Variants in TOM1L1 observed in about 807,000 individuals in gnomAD.
TOM1L1 encodes target of myb1 like 1 membrane trafficking protein.
TOM1L1 carries 64 observed loss-of-function variants against 63.4 expected under a neutral mutation model. The ratio of observed to expected loss-of-function variants is 1.01; its 90% CI spans 0.83 to 1.24. The LOEUF (loss-of-function observed/expected upper bound fraction) is 1.24, where lower values mean the gene tolerates loss of function less well. TOM1L1 is among the 50% of genes most tolerant of loss of function. TOM1L1 has a pLI of 0.00. For missense variants in TOM1L1, 536 were observed against 567.0 expected (o/e 0.95, Z 0.55); for synonymous variants, 166 against 194.4 (o/e 0.85, Z 1.22).
At chr17:54,902,162 A>C (rs2048337150) in intron 1 of TOM1L1, among the ~76,000 whole-genome samples, 1 of 152,188 alleles carries the variant, frequency 6.6e-6, no homozygotes, top group Non-Finnish European at 1.5e-5. Flanking sequence ...GAAAATGCAA[A>C]ACACACAAAA....
chr17:54,941,195 T>C (rs1276588732), intron 11 of TOM1L1, among the ~76,000 whole-genome samples: 6 of 152,250 alleles, frequency 3.9e-5, no homozygotes, highest in South Asian at 2.1e-4. Context: ...TCACTTAACA[T>C]ACTTTGGCAG....
At chr17:54,933,831 C>G (rs1184748766) in intron 8 of TOM1L1, among the ~76,000 whole-genome samples, 1 of 151,994 alleles carries the variant, frequency 6.6e-6, no homozygotes, top group African/African-American at 2.4e-5. Flanking sequence ...ATCCACAGCT[C>G]GGTTTTATAC....
At chr17:54,949,178 C>T (rs2049169136) in intron 12 of TOM1L1, among the ~76,000 whole-genome samples, 1 of 150,210 alleles carries the variant, frequency 6.7e-6, no homozygotes, top group South Asian at 2.1e-4. Context: ...GCTGGGACTA[C>T]AGGTGTGAGC....
At chr17:54,902,411 T>G (rs2048341505) in intron 1 of TOM1L1, among the ~76,000 whole-genome samples, 1 of 152,104 alleles carries the variant, frequency 6.6e-6, no homozygotes, top group African/African-American at 2.4e-5. Flanking sequence ...TTCCTCAGCC[T>G]CCCGAGTAGC....
intron 14 of TOM1L1, chr17:54,959,588 C>T (rs1319942819): frequency 6.6e-6 from 1 of 150,930 alleles, no homozygotes; most frequent in East Asian, 1.9e-4. Flanking sequence ...GGACTGTAAT[C>T]ACATAGTTTA....
intron 11 of TOM1L1, among the ~76,000 whole-genome samples, chr17:54,945,589 T>A (rs2088111029): frequency 6.6e-6 from 1 of 152,218 alleles, no homozygotes; most frequent in Admixed American, 6.5e-5. Context: ...TCTGTTTAGA[T>A]TGGACACTTT....
intron 13 of TOM1L1, 80 bp from the exon 14 acceptor site, chr17:54,949,965 C>A (rs2049186291): frequency 2.6e-6 from 3 of 1,161,900 alleles, no homozygotes; most frequent in Non-Finnish European, 1.3e-6. Flanking sequence ...TATTTGAAGT[C>A]TAAATTATAA....
chr17:54,961,169 G>T, intron 15 of TOM1L1, 66 bp from the exon 16 acceptor site: 1 of 1,106,310 alleles, frequency 9.0e-7, no homozygotes, highest in Non-Finnish European at 1.3e-6. Context: ...AGACAAGAGA[G>T]TTATCAAGGA....
At chr17:54,906,554 A>G (rs976902895) in intron 3 of TOM1L1, among the ~76,000 whole-genome samples, 4 of 151,998 alleles carry the variant, frequency 2.6e-5, no homozygotes, top group Admixed American at 1.3e-4. Context: ...TTTGAAAAAT[A>G]CCTCCCTGTA....
At chr17:54,914,385 AAG>A (rs1054659029) in intron 5 of TOM1L1, among the ~76,000 whole-genome samples, 2 of 148,988 alleles carry the variant, frequency 1.3e-5, no homozygotes, top group African/African-American at 2.5e-5. Flanking sequence ...AAAAAAAAAA[AAG>A]GGCATTTTAT....
chr17:54,905,535 T>G lies in TOM1L1; in HGVS notation c.190T>G (p.Tyr64Asp), dbSNP rs148960305. 87 of 1,611,724 alleles carry G rather than the reference T, an allele frequency of 5.4e-5. No individual in the cohort carries two copies. The highest frequency in any genetic ancestry group is 7.2e-5 in the Non-Finnish European group (85 of 1,178,624). The change falls in exon 3 of 16, where the codon TAC becomes GAC. Residue 64 changes from tyrosine to aspartate, a missense_variant. Tyr to Asp is a radical substitution (Grantham distance 160). Coordinates refer to ENST00000575882, the MANE Select transcript of TOM1L1 (RefSeq NM_005486.3). ...KALKKRISKN[Y>D]NHKEIQLTLS... ...TTTGAAGAAAAGGATTTCCAAAAAC[T>G]ACAATCATAAAGAAATCCAACTTAC...
At position 54,949,694 on chromosome 17, in the gene TOM1L1, T is replaced by C. The variant is rs533771912; in HGVS notation, c.1288+71T>C. 1.3e-4 allele frequency: 161 copies of C among 1,271,282 alleles called. 1 individual carries two copies. Among genetic ancestry groups the C allele is most frequent in the African/African-American group, 3.3e-4 (22 of 67,650 alleles). 78.8% of individuals were successfully genotyped at this position (1,271,282 alleles called of 1,614,324 possible). A position where few individuals can be genotyped will look rare whatever the true frequency, so the allele number is the denominator to read the frequency against. ...AATATATGAGTCTGCCAGAGATTCA[T>C]TGGTAACTGAAAATAGGAGAAATTA... On this transcript the variant is annotated intron_variant, in intron 13 of 15. Coordinates refer to ENST00000575882, the MANE Select transcript of TOM1L1 (RefSeq NM_005486.3).
chr17:54,947,396 A>G, intron 12 of TOM1L1, 84 bp downstream of exon 12: 1 of 1,458,246 alleles, frequency 6.9e-7, no homozygotes, highest in Non-Finnish European at 9.6e-7. Context: ...ATTAATTCCC[A>G]TGTTCTGCTC....
At chr17:54,950,711 C>A (rs556000724) in intron 14 of TOM1L1, among the ~76,000 whole-genome samples, 2 of 152,248 alleles carry the variant, frequency 1.3e-5, no homozygotes, top group South Asian at 2.1e-4. Flanking sequence ...TATTAAAGCA[C>A]GTTTATTGGA....
intron 12 of TOM1L1, among the ~76,000 whole-genome samples, chr17:54,947,593 C>T (rs956001814): frequency 1.3e-5 from 2 of 152,202 alleles, no homozygotes; most frequent in Admixed American, 6.5e-5. Flanking sequence ...AAATTTAGAA[C>T]TGCAGTTCCA....
At chr17:54,934,072 C>G (rs950078461) in intron 8 of TOM1L1, among the ~76,000 whole-genome samples, 2 of 152,194 alleles carry the variant, frequency 1.3e-5, no homozygotes, top group Non-Finnish European at 2.9e-5. Context: ...CTCAGTGAAT[C>G]TGCACTTCTA....
In TOM1L1 at chr17:54,905,586, T is replaced by A; in HGVS notation, c.222+19T>A. The A allele has an allele frequency of 1.4e-6, 2 of 1,395,478 alleles. No individual in the cohort carries two copies. Among genetic ancestry groups the A allele is most frequent in the South Asian group, 1.2e-5 (1 of 82,628 alleles). The allele number at this position is 1,395,478 out of a possible 1,614,324, so 86.4% of individuals were successfully genotyped here. A position where few individuals can be genotyped will look rare whatever the true frequency, so the allele number is the denominator to read the frequency against. The stretch of plus-strand genomic sequence containing the variant: ...CTTGTCAGTAAGTACTTTAATTTTA[T>A]AATTAAGACTCGAGGATTTCTCAAG... On this transcript the variant is annotated intron_variant, in intron 3 of 15. Transcript: ENST00000575882.
chr17:54,930,363 C>A, intron 8 of TOM1L1, 157 bp downstream of exon 8: 3 of 920,834 alleles, frequency 3.3e-6, no homozygotes, highest in Non-Finnish European at 3.3e-6. Context: ...ACAGTTTTCC[C>A]TTGTACAGCT....
At chr17:54,931,421 G>A (rs914350961) in intron 8 of TOM1L1, among the ~76,000 whole-genome samples, 10 of 152,054 alleles carry the variant, frequency 6.6e-5, no homozygotes, top group Admixed American at 1.3e-4. Flanking sequence ...CCTCTGCACC[G>A]GTGTCCCATT....
Sources: allele counts gnomAD v4.1 joint callset (sites outside exome capture counted in the v4.1 genomes callset), GRCh38; gene constraint gnomAD v4.1.1; transcripts MANE v1.5; gene names NCBI Gene and HGNC (gene_info 2026-07-23, HGNC 2026-07-21).